Variants in ZNF175 observed in about 807,000 individuals in gnomAD.
ZNF175 encodes the protein zinc finger protein OTK18.
Under a neutral mutation model 14.0 loss-of-function variants are expected in ZNF175, and 8 were observed. That is an observed-to-expected ratio of 0.57 (90% CI 0.34 to 1.03). The LOEUF (loss-of-function observed/expected upper bound fraction) is 1.03, where lower values mean the gene tolerates loss of function less well. Ranked by LOEUF, ZNF175 falls within the 50% of genes least tolerant of loss-of-function variation. The pLI is 0.03. For missense variants in ZNF175, 764 were observed against 849.5 expected, an observed-to-expected ratio of 0.90 and a Z score of 1.25; for synonymous variants, 255 against 296.8, an observed-to-expected ratio of 0.86 and a Z score of 1.45.
chr19:51,586,481 C>T (rs1982165740), intron 4 of ZNF175, 146 bp from the exon 5 acceptor site: 3 of 784,004 alleles, frequency 3.8e-6, no homozygotes, highest in East Asian at 2.7e-5. Context: ...GTAATAAGGG[C>T]TCTGTGTTTC....
In ZNF175 at chr19:51,588,183, T is replaced by TA; in HGVS notation, c.1853dup (p.Tyr618Ter). Residue 618 changes from tyrosine to a stop codon, truncating the protein, a stop_gained and frameshift_variant, in exon 5 of 5, where the codon TAC becomes TAAC. Coordinates refer to ENST00000262259, the MANE Select transcript of ZNF175 (RefSeq NM_007147.4). LOFTEE classifies it low-confidence loss of function (END_TRUNC). Reference protein sequence around the residue: ...THTRERPFVCYKCGKAFVQKS... With the variant: ...THTRERPFVC ...CACTAGAGAGAGGCCTTTTGTCTGT[T>TA]ACAAATGTGGGAAGGCTTTTGTCCA... is the stretch of plus-strand genomic sequence containing the variant. 6.2e-7 allele frequency: 1 copy of TA among 1,614,030 alleles called. No individual in the cohort carries two copies. Among genetic ancestry groups the TA allele is most frequent in the Non-Finnish European group, 8.5e-7 (1 of 1,180,004 alleles).
At chr19:51,574,527 G>C (rs549348673) in intron 2 of ZNF175, among the ~76,000 whole-genome samples, 14 of 152,244 alleles carry the variant, frequency 9.2e-5, no homozygotes, top group African/African-American at 3.4e-4. Context: ...AATTAGCCAG[G>C]TGTGGTGGCA....
In ZNF175 at chr19:51,587,319, A is replaced by T. The variant is rs1600086960; in HGVS notation, c.988A>T (p.Thr330Ser). The T allele has an allele frequency of 6.2e-7, 1 of 1,614,246 alleles. No homozygotes were observed. The highest frequency in any genetic ancestry group is 2.2e-5 in the East Asian group (1 of 44,880). ...ACTCAGTGTATATCTGACAGATCATACAGGTGATATACCCTGTATATGCAA... is the reference window on the plus strand; with the variant it reads ...ACTCAGTGTATATCTGACAGATCATTCAGGTGATATACCCTGTATATGCAA... Reference protein sequence around the residue: ...LKLSVYLTDHTGDIPCICKEC... With the variant: ...LKLSVYLTDHSGDIPCICKEC... The change falls in exon 5 of 5, where the codon ACA becomes TCA. Residue 330 changes from threonine (T) to serine (S), a missense_variant. Transcript: ENST00000262259.
At position 51,588,951 on chromosome 19, in the gene ZNF175, A is replaced by G. The variant is rs1487027899; in HGVS notation, c.*484A>G. 1 of 364,336 alleles carries G rather than the reference A, an allele frequency of 2.7e-6. No individual in the cohort carries two copies. The highest frequency in any genetic ancestry group is 4.8e-6 in the Non-Finnish European group (1 of 206,612). 22.6% of individuals were successfully genotyped at this position (364,336 alleles called of 1,614,324 possible). ...ATAAGCATATATATAATATATAAGCATATTATTATATACAGGTTGAGTATC... is the reference window on the plus strand; with the variant it reads ...ATAAGCATATATATAATATATAAGCGTATTATTATATACAGGTTGAGTATC... On this transcript the variant is annotated 3_prime_UTR_variant, in exon 5 of 5. Coordinates refer to ENST00000262259, the MANE Select transcript of ZNF175 (RefSeq NM_007147.4).
At chr19:51,582,101 C>T (rs1480920173) in intron 4 of ZNF175, among the ~76,000 whole-genome samples, 2 of 152,142 alleles carry the variant, frequency 1.3e-5, no homozygotes, top group Non-Finnish European at 2.9e-5. Flanking sequence ...AATGGGATTG[C>T]CTGGTCCTGG....
rs1982265878 is a variant in ZNF175 at position 51,588,902 on chromosome 19, T to A, written c.*435T>A. The A allele has an allele frequency of 2.5e-6, 1 of 394,502 alleles. No individual in the cohort carries two copies. The allele number at this position is 394,502 out of a possible 1,614,324, so 24.4% of individuals were successfully genotyped here. On this transcript the variant is annotated 3_prime_UTR_variant, in exon 5 of 5. Coordinates refer to ENST00000262259, the MANE Select transcript of ZNF175 (RefSeq NM_007147.4). ...ACAGTCATGATAGGACAATATTTTATGTGTGTGTGTGCGCCTTATGTATAT... is the reference window on the plus strand; with the variant it reads ...ACAGTCATGATAGGACAATATTTTAAGTGTGTGTGTGCGCCTTATGTATAT...
At chr19:51,584,995 A>T (rs1287816631) in intron 4 of ZNF175, among the ~76,000 whole-genome samples, 1 of 152,236 alleles carries the variant, frequency 6.6e-6, no homozygotes, top group East Asian at 1.9e-4. Context: ...TACCCACAAG[A>T]ATTGAAAGCA....
In ZNF175 at chr19:51,589,139, A is replaced by T. The variant is rs947807024; in HGVS notation, c.*672A>T. The T allele has an allele frequency of 5.1e-6, 1 of 197,848 alleles. No homozygotes were observed. The highest frequency in any genetic ancestry group is 2.3e-5 in the African/African-American group (1 of 43,386). 12.3% of individuals were successfully genotyped at this position (197,848 alleles called of 1,614,324 possible). A position where few individuals can be genotyped will look rare whatever the true frequency, so the allele number is the denominator to read the frequency against. On this transcript the variant is annotated 3_prime_UTR_variant, in exon 5 of 5. Coordinates refer to ENST00000262259, the MANE Select transcript of ZNF175 (RefSeq NM_007147.4). Reference sequence around the variant, plus strand: ...TTGAGCGTCATGTTAGAGTTCAAAAAGTTTCAGATTTTGGGTTTTCAGATT... The same window carrying T: ...TTGAGCGTCATGTTAGAGTTCAAAATGTTTCAGATTTTGGGTTTTCAGATT...
rs138306282 is a variant in ZNF175 at position 51,586,879 on chromosome 19, G to A, written c.548G>A (p.Arg183His). 1.1e-5 allele frequency: 18 copies of A among 1,613,990 alleles called. No homozygotes were observed. The highest frequency in any genetic ancestry group is 6.7e-5 in the Admixed American group (4 of 60,004). Residue 183 changes from arginine to histidine, a missense_variant, in exon 5 of 5, where the codon CGC (arginine) becomes CAC (histidine). Physicochemically the swap from Arg to His is conservative, Grantham distance 29. Coordinates refer to ENST00000262259, the MANE Select transcript of ZNF175 (RefSeq NM_007147.4). The stretch of plus-strand genomic sequence containing the variant: ...TATAAGGACCCTGGGAAAATGATTC[G>A]CACGAGGCCCCACCTTGCTTCTTCA... The part of the protein sequence containing the change: ...CEYKDPGKMI[R>H]TRPHLASSQK...
intron 2 of ZNF175, among the ~76,000 whole-genome samples, chr19:51,577,962 A>C (rs934269021): frequency 1.3e-5 from 2 of 151,446 alleles, no homozygotes; most frequent in East Asian, 2.0e-4. Flanking sequence ...CGCACCTGGC[A>C]TACCCCTCTC....
At chr19:51,583,932 T>C (rs1000087142) in intron 4 of ZNF175, among the ~76,000 whole-genome samples, 1 of 152,246 alleles carries the variant, frequency 6.6e-6, no homozygotes, top group Non-Finnish European at 1.5e-5. Flanking sequence ...GAAACCATTG[T>C]ATTTAAGATA....
In ZNF175 at chr19:51,587,428, A is replaced by G; in HGVS notation, c.1097A>G (p.His366Arg). The change falls in exon 5 of 5, where the codon CAT becomes CGT. Residue 366 changes from histidine (H) to arginine (R), a missense_variant. Physicochemically the swap from His to Arg is conservative, Grantham distance 29. Coordinates refer to ENST00000262259, the MANE Select transcript of ZNF175 (RefSeq NM_007147.4). Reference sequence around the variant, plus strand: ...ACTAGAAAGAAGCCCTATAAATGCCATGACTGTGGAAAAGCCTTTTTCCAG... The same window carrying G: ...ACTAGAAAGAAGCCCTATAAATGCCGTGACTGTGGAAAAGCCTTTTTCCAG... The part of the protein sequence containing the change: ...THTRKKPYKC[H>R]DCGKAFFQML... The G allele has an allele frequency of 6.2e-7, 1 of 1,614,228 alleles. No individual in the cohort carries two copies. Among genetic ancestry groups the G allele is most frequent in the Non-Finnish European group, 8.5e-7 (1 of 1,180,022 alleles).
chr19:51,582,289 T>TTTTTTG (rs1982031802), intron 4 of ZNF175, among the ~76,000 whole-genome samples: 1 of 152,186 alleles, frequency 6.6e-6, no homozygotes, highest in Non-Finnish European at 1.5e-5. Context: ...TGTTTCATTT[T>TTTTTTG]TTTTTGTTTT....
chr19:51,585,219 C>CA (rs1568576049), intron 4 of ZNF175, among the ~76,000 whole-genome samples: 5 of 152,080 alleles, frequency 3.3e-5, no homozygotes, highest in African/African-American at 1.2e-4. Context: ...AAGCCAGACA[C>CA]AAAAAATCCA....
rs911703349 is a variant in ZNF175, at chr19:51,591,482, A to G, written c.*3015A>G. 1 of 152,224 alleles carries G rather than the reference A, an allele frequency of 6.6e-6. No individual in the cohort carries two copies. The highest frequency in any genetic ancestry group is 2.1e-4 in the South Asian group (1 of 4,834). The allele number at this position is 152,224 out of a possible 1,614,324, so 9.4% of individuals were successfully genotyped here. A position where few individuals can be genotyped will look rare whatever the true frequency, so the allele number is the denominator to read the frequency against. On this transcript the variant is annotated 3_prime_UTR_variant, in exon 5 of 5. Coordinates refer to ENST00000262259, the MANE Select transcript of ZNF175 (RefSeq NM_007147.4). Reference sequence around the variant, plus strand: ...TAAGAGATGAATAAATGTTAGTCCAATGGCCTCATCATGAGATGAGAGGTC... The same window carrying G: ...TAAGAGATGAATAAATGTTAGTCCAGTGGCCTCATCATGAGATGAGAGGTC...
At chr19:51,572,943 C>T (rs982619031) in intron 1 of ZNF175, among the ~76,000 whole-genome samples, 1 of 152,202 alleles carries the variant, frequency 6.6e-6, no homozygotes, top group African/African-American at 2.4e-5. Context: ...TTCATATTCT[C>T]ACAGTGAAAA....
chr19:51,589,299 G>A lies in ZNF175; in HGVS notation c.*832G>A, dbSNP rs1982280759. 2 of 535,030 alleles carry A rather than the reference G, an allele frequency of 3.7e-6. No individual in the cohort carries two copies. The highest frequency in any genetic ancestry group is 1.9e-5 in the African/African-American group (1 of 52,394). The allele number at this position is 535,030 out of a possible 1,614,324, so 33.1% of individuals were successfully genotyped here. A position where few individuals can be genotyped will look rare whatever the true frequency, so the allele number is the denominator to read the frequency against. On this transcript the variant is annotated 3_prime_UTR_variant, in exon 5 of 5. Transcript: ENST00000262259. ...GTATGTATGTATGTATGCCCTCAGT[G>A]CAGTGGGGTTTGCTGCAGAATTCAC... is the stretch of plus-strand genomic sequence containing the variant.
chr19:51,578,467 C>G (rs1981886064), intron 2 of ZNF175, among the ~76,000 whole-genome samples: 1 of 151,754 alleles, frequency 6.6e-6, no homozygotes, highest in South Asian at 2.1e-4. Context: ...ACAAAAGGTT[C>G]CTATAAAACG....
chr19:51,583,805 G>A (rs1982087346), intron 4 of ZNF175, among the ~76,000 whole-genome samples: 1 of 152,106 alleles, frequency 6.6e-6, no homozygotes, highest in South Asian at 2.1e-4. Context: ...CTCATGCTCT[G>A]CTCCATTGTT....
Sources: allele counts gnomAD v4.1 joint callset (sites outside exome capture counted in the v4.1 genomes callset), GRCh38; gene constraint gnomAD v4.1.1; transcripts MANE v1.5; gene names NCBI Gene and HGNC (gene_info 2026-07-23, HGNC 2026-07-21).